GTF2I: variants seen among roughly 807,000 people sequenced by gnomAD.
GTF2I encodes general transcription factor II-I.
A neutral mutation model predicts 67.6 loss-of-function variants in GTF2I; 12 were observed. That is an observed-to-expected ratio of 0.18 (90% CI 0.11 to 0.29). The LOEUF (loss-of-function observed/expected upper bound fraction) is 0.29. Among genes scored for constraint, GTF2I ranks in the 10% least tolerant of loss-of-function variants. The pLI, the probability that GTF2I is intolerant of heterozygous loss-of-function variation, is 1.00. For synonymous variants in GTF2I, 149 were observed against 197.0 expected, an observed-to-expected ratio of 0.76 and a Z score of 2.04; for missense variants, 271 against 580.1, an observed-to-expected ratio of 0.47 and a Z score of 5.47.
rs73137157 is a variant in GTF2I at position 74,686,835 on chromosome 7, T to A, written c.-5-2289T>A. Among the ~76,000 whole-genome samples, 972 of 152,294 alleles carry A rather than the reference T, an allele frequency of 6.4e-3. 7 individuals are homozygous for A. Among genetic ancestry groups the A allele is most frequent in the Admixed American group, 0.012 (186 of 15,280 alleles). On this transcript the variant is annotated intron_variant, in intron 1 of 34. Coordinates refer to ENST00000573035, the MANE Select transcript of GTF2I (RefSeq NM_032999.4). ...TAGTCAGGGACCCTTGTGTTGGGAATCAGATTTGCTTCTGTTTGTTCAAAT... is the reference window on the plus strand; with the variant it reads ...TAGTCAGGGACCCTTGTGTTGGGAAACAGATTTGCTTCTGTTTGTTCAAAT...
chr7:74,716,223 A>G (rs1398004196), intron 10 of GTF2I, among the ~76,000 whole-genome samples: 1 of 152,106 alleles, frequency 6.6e-6, no homozygotes, highest in Non-Finnish European at 1.5e-5. Context: ...TTTTGTGAGT[A>G]AAACTTCTGC....
rs782230656 is a variant in GTF2I, at chr7:74,699,008, A to G, written c.286A>G (p.Thr96Ala). 39 of 1,534,116 alleles carry G rather than the reference A, an allele frequency of 2.5e-5. No homozygotes were observed. Among genetic ancestry groups the G allele is most frequent in the Non-Finnish European group, 3.0e-5 (34 of 1,133,596 alleles). The change falls in exon 4 of 35, where the codon ACA becomes GCA. Residue 96 changes from threonine (T) to alanine (A), a missense_variant. Physicochemically the swap from Thr to Ala is moderately conservative, Grantham distance 58. This residue lies in a region of GTF2I where 72 missense variants were observed against 87.4 expected (regional missense o/e 0.82). Transcript: ENST00000573035. ...KAAEMHKMKS[T>A]TQANRMSVDA... ...TGCAGAGATGCATAAAATGAAATCT[A>G]CAACCCAGGCAAATCGGATGAGTGT...
chr7:74,668,814 C>CA (rs1212818523), intron 1 of GTF2I, among the ~76,000 whole-genome samples: 2 of 151,960 alleles, frequency 1.3e-5, no homozygotes, highest in Non-Finnish European at 2.9e-5. Flanking sequence ...CCTCGTGATC[C>CA]ACCTGCCTTG....
At chr7:74,715,721 A>C (rs150084344) in intron 10 of GTF2I, among the ~76,000 whole-genome samples, 2 of 152,096 alleles carry the variant, frequency 1.3e-5, no homozygotes, top group African/African-American at 2.4e-5. Flanking sequence ...AGAGTGACTC[A>C]TAGGTATAGG....
At chr7:74,753,449 A>G (rs1173161811) in intron 29 of GTF2I, among the ~76,000 whole-genome samples, 1 of 152,136 alleles carries the variant, frequency 6.6e-6, no homozygotes, top group Non-Finnish European at 1.5e-5. Flanking sequence ...AGGCAGGTGG[A>G]TCAGTTGAGG....
chr7:74,713,385 A>G (rs1791868741), intron 9 of GTF2I, among the ~76,000 whole-genome samples: 1 of 152,172 alleles, frequency 6.6e-6, no homozygotes, highest in Non-Finnish European at 1.5e-5. Context: ...GGAGATTTTA[A>G]CCAATGATAT....
At chr7:74,665,388 AT>A (rs1333858623) in intron 1 of GTF2I, among the ~76,000 whole-genome samples, 2 of 151,792 alleles carry the variant, frequency 1.3e-5, no homozygotes, top group Admixed American at 1.3e-4. Context: ...AGTAGCTGGA[AT>A]TATAGGCATG....
chr7:74,676,501 A>G (rs782044370), intron 1 of GTF2I, among the ~76,000 whole-genome samples: 1 of 152,176 alleles, frequency 6.6e-6, no homozygotes, highest in Non-Finnish European at 1.5e-5. Context: ...CACATTTTCT[A>G]TAGAAGCTAC....
chr7:74,680,099 A>AAAAAAAAAAATAT, intron 1 of GTF2I, among the ~76,000 whole-genome samples: 3 of 94,996 alleles, frequency 3.2e-5, no homozygotes, highest in African/African-American at 1.2e-4. Flanking sequence ...AAAAAAAAAA[A>AAAAAAAAAAATAT]ATATATATAT....
intron 1 of GTF2I, among the ~76,000 whole-genome samples, chr7:74,676,041 A>G (rs1805876443): frequency 6.6e-6 from 1 of 151,922 alleles, no homozygotes; most frequent in Non-Finnish European, 1.5e-5. Context: ...AACCAAATAA[A>G]AAGACAGAGA....
chr7:74,699,606 C>T (rs1179821739), intron 4 of GTF2I: 1 of 152,800 alleles, frequency 6.5e-6, no homozygotes, highest in Non-Finnish European at 1.5e-5. Context: ...CTAGCTGTTT[C>T]TTTCTAATAA....
chr7:74,659,491 G>C (rs907071661), intron 1 of GTF2I, among the ~76,000 whole-genome samples: 14 of 151,928 alleles, frequency 9.2e-5, no homozygotes, highest in Admixed American at 5.3e-4. Context: ...CCGGGTTCAA[G>C]CCGTTCTCCT....
intron 26 of GTF2I, among the ~76,000 whole-genome samples, chr7:74,749,900 A>G (rs1431941611): frequency 6.7e-6 from 1 of 150,322 alleles, no homozygotes; most frequent in East Asian, 2.0e-4. Flanking sequence ...AAAACAAAAA[A>G]AAAAAAAAAA....
chr7:74,657,891 G>C lies in GTF2I; in HGVS notation c.-183G>C, dbSNP rs1179209774. The stretch of plus-strand genomic sequence containing the variant: ...GGCCCTGCCTGCGGGGCGGCCATGC[G>C]GCGGTGACAGGAGCGCGACCGACAC... On this transcript the variant is annotated 5_prime_UTR_variant, in exon 1 of 35. Coordinates refer to ENST00000573035, the MANE Select transcript of GTF2I (RefSeq NM_032999.4). 6.6e-6 allele frequency: 1 copy of C among 152,032 alleles called. No homozygotes were observed. The highest frequency in any genetic ancestry group is 1.5e-5 in the Non-Finnish European group (1 of 68,188). The allele number at this position is 152,032 out of a possible 1,614,324, so 9.4% of individuals were successfully genotyped here.
chr7:74,674,484 T>A lies in GTF2I; in HGVS notation c.-5-14640T>A, dbSNP rs1805726966. On this transcript the variant is annotated intron_variant, in intron 1 of 34. Coordinates refer to ENST00000573035, the MANE Select transcript of GTF2I (RefSeq NM_032999.4). Reference sequence around the variant, plus strand: ...CTGCCCATCGTTTTGGTGATGGATGTCCTTTATTGCAAGACTGTAATCCAG... The same window carrying A: ...CTGCCCATCGTTTTGGTGATGGATGACCTTTATTGCAAGACTGTAATCCAG... Among the ~76,000 whole-genome samples, 3 of 152,162 alleles carry A rather than the reference T, an allele frequency of 2.0e-5. 1 individual carries two copies. Among genetic ancestry groups the A allele is most frequent in the African/African-American group, 7.2e-5 (3 of 41,434 alleles).
intron 1 of GTF2I, among the ~76,000 whole-genome samples, chr7:74,669,108 A>G (rs904005415): frequency 2.0e-5 from 3 of 151,926 alleles, no homozygotes; most frequent in East Asian, 1.9e-4. Flanking sequence ...GGCTCATCCT[A>G]TGAGGCCTCA....
chr7:74,687,469 C>A (rs782215477), intron 1 of GTF2I: 2 of 566,830 alleles, frequency 3.5e-6, no homozygotes, highest in Non-Finnish European at 4.5e-6. Flanking sequence ...GAGATCCACC[C>A]GCCTCGGCCT....
chr7:74,689,447 C>T (rs899783256), intron 2 of GTF2I, among the ~76,000 whole-genome samples: 8 of 149,438 alleles, frequency 5.4e-5, no homozygotes, highest in South Asian at 2.1e-4. Flanking sequence ...CTTTACCTCC[C>T]GGGTTCAAGC....
At chr7:74,688,929 ATAGAAAATTAGGGGATAGATTCTT>A (rs1787989990) in intron 1 of GTF2I, 171 bp from the exon 2 acceptor site, 2 of 497,890 alleles carry the variant, frequency 4.0e-6, no homozygotes, top group Non-Finnish European at 7.1e-6. Context: ...ATAACAATAT[ATAGAAAATTAGGGGATAGATTCTT>A]TATCTTATGA....
Sources: gnomAD v4.1 joint callset for allele counts (sites outside exome capture counted in the v4.1 genomes callset) on GRCh38, gnomAD v4.1.1 for gene constraint, gnomAD v4.1.1 regional missense constraint, MANE v1.5 for transcripts, NCBI Gene and HGNC (gene_info 2026-07-23, HGNC 2026-07-21) for gene names.